Variants in EVC2 observed in about 807,000 individuals in gnomAD.
EVC2 encodes the protein limbin.
EVC2 carries 148 observed loss-of-function variants against 149.3 expected under a neutral mutation model. The ratio of observed to expected loss-of-function variants is 0.99; its 90% CI spans 0.87 to 1.14. The LOEUF (loss-of-function observed/expected upper bound fraction) is 1.14, where lower values mean the gene tolerates loss of function less well. Among genes scored for constraint, EVC2 ranks in the 50% most tolerant of loss-of-function variants. The pLI is 0.00. For missense variants in EVC2, 1,854 were observed against 1,627.3 expected, an observed-to-expected ratio of 1.14 and a Z score of -2.40; for synonymous variants, 776 against 649.9, an observed-to-expected ratio of 1.19 and a Z score of -2.95.
chr4:5,594,355 G>C (rs1713168047), intron 16 of EVC2, among the ~76,000 whole-genome samples: 1 of 152,130 alleles, frequency 6.6e-6, no homozygotes, highest in African/African-American at 2.4e-5. Flanking sequence ...CACACGGCCG[G>C]GTACTCCTCT....
At chr4:5,606,520 G>A (rs1009909039) in intron 16 of EVC2, among the ~76,000 whole-genome samples, 1 of 152,032 alleles carries the variant, frequency 6.6e-6, no homozygotes, top group African/African-American at 2.4e-5. Flanking sequence ...ACTGATTCCA[G>A]GTAATTCAAC....
At chr4:5,697,777 G>GA in intron 1 of EVC2, 130 bp from the exon 2 acceptor site, 1 of 779,456 alleles carries the variant, frequency 1.3e-6, no homozygotes, top group Non-Finnish European at 2.1e-6. Flanking sequence ...ACAGAGTCTT[G>GA]CTCTGTCACC....
intron 9 of EVC2, among the ~76,000 whole-genome samples, chr4:5,652,495 A>G (rs1183874029): frequency 6.6e-6 from 1 of 152,172 alleles, no homozygotes; most frequent in Admixed American, 6.5e-5. Context: ...ACCAACAGAA[A>G]TGTCACTTCA....
In EVC2 at chr4:5,642,972, T is replaced by TTTTACCCATGAACACC. The variant is rs1364863007; in HGVS notation, c.1146-2135_1146-2134insGGTGTTCATGGGTAAA. 2.6e-5 allele frequency among the ~76,000 whole-genome samples: 4 copies of TTTTACCCATGAACACC among 152,218 alleles called. No individual in the cohort carries two copies. The East Asian group carries it at 7.7e-4, about 29-fold the overall frequency. ...ACCCATGAACACCTCACTGAGCATC[T>TTTTACCCATGAACACC]TTAACTGTCAAGGAGTCATACGCAG... On this transcript the variant is annotated intron_variant, in intron 9 of 21. Coordinates refer to ENST00000344408, the MANE Select transcript of EVC2 (RefSeq NM_147127.5).
intron 6 of EVC2, among the ~76,000 whole-genome samples, 197 bp from the exon 7 acceptor site, chr4:5,681,510 C>G (rs1720343215): frequency 1.3e-5 from 2 of 152,122 alleles, no homozygotes; most frequent in South Asian, 4.1e-4. Flanking sequence ...CTACTGGAGG[C>G]CGTGTGAAAT....
At chr4:5,580,953 T>C (rs1475677495) in intron 17 of EVC2, among the ~76,000 whole-genome samples, 1 of 152,122 alleles carries the variant, frequency 6.6e-6, no homozygotes. Flanking sequence ...TCTGGTTGTT[T>C]AAAACTGTGT....
chr4:5,566,947 A>G (rs1722325554), intron 20 of EVC2, among the ~76,000 whole-genome samples: 1 of 152,144 alleles, frequency 6.6e-6, no homozygotes, highest in African/African-American at 2.4e-5. Flanking sequence ...CCAGGCTGTG[A>G]AACCTGGTTT....
At position 5,563,103 on chromosome 4, in the gene EVC2, C is replaced by T. The variant is rs1722060400; in HGVS notation, c.3672G>A (p.Lys1224=). ...TCCTCTCTCTGAGAGGGAGACATGT[C>T]TTCTTTAATATGCTAAAGAAATAGC... ...ARKRKQSILK[K]TCLPLRERMI... The change falls in exon 22 of 22, where the codon AAG becomes AAA. Residue 1224 remains lysine (K), a synonymous_variant. Transcript: ENST00000344408. 9.3e-6 allele frequency: 15 copies of T among 1,613,802 alleles called. No individual in the cohort carries two copies. The highest frequency in any genetic ancestry group is 1.1e-5 in the Non-Finnish European group (13 of 1,179,998).
At chr4:5,646,337 G>C (rs1717708806) in intron 9 of EVC2, among the ~76,000 whole-genome samples, 1 of 151,870 alleles carries the variant, frequency 6.6e-6, no homozygotes, top group South Asian at 2.1e-4. Context: ...ATGTTTGTTG[G>C]CTACATGTAT....
rs1714986274 is a variant in EVC2, at chr4:5,613,195, G to A, written c.2829+2227C>T. Among the ~76,000 whole-genome samples the A allele has an allele frequency of 6.6e-6, 1 of 152,088 alleles. No individual in the cohort carries two copies. The highest frequency in any genetic ancestry group is 1.5e-5 in the Non-Finnish European group (1 of 68,030). ...GCCTTTGAGCAGGTTCCTCCACGGGGCTGCTCCCCCATCCACTGGCCATGA... is the reference window on the plus strand; with the variant it reads ...GCCTTTGAGCAGGTTCCTCCACGGGACTGCTCCCCCATCCACTGGCCATGA... On this transcript the variant is annotated intron_variant, in intron 16 of 21. Coordinates refer to ENST00000344408, the MANE Select transcript of EVC2 (RefSeq NM_147127.5). The surrounding 1 kb of genome is among the most constrained non-coding windows in gnomAD (Gnocchi z 4.6).
intron 10 of EVC2, among the ~76,000 whole-genome samples, chr4:5,638,614 A>G (rs372939629): frequency 6.6e-6 from 1 of 151,832 alleles, no homozygotes; most frequent in African/African-American, 2.4e-5. Context: ...CCCACCCCCC[A>G]AAAAAGATAT....
At chr4:5,532,584 C>G in the EVC2 span, among the ~76,000 whole-genome samples, 2 of 152,256 alleles carry the variant, frequency 1.3e-5, no homozygotes, top group African/African-American at 4.8e-5. Flanking sequence ...TTCAGCCCAC[C>G]TCATCTGCCA....
chr4:5,563,241 G>T (rs368974645), intron 21 of EVC2, 126 bp from the exon 22 acceptor site: 2 of 942,882 alleles, frequency 2.1e-6, no homozygotes, highest in Non-Finnish European at 1.6e-6. Context: ...TTTAACAAAA[G>T]GTTATTTTCC....
intron 9 of EVC2, among the ~76,000 whole-genome samples, chr4:5,659,844 ATTACT>A (rs1718766462): frequency 6.6e-6 from 1 of 152,204 alleles, no homozygotes; most frequent in Admixed American, 6.5e-5. Flanking sequence ...TAAAGTACTA[ATTACT>A]TTAGTCAGAA....
chr4:5,556,832 G>C (rs114311591), intron 21 of EVC2, among the ~76,000 whole-genome samples: 405 of 152,244 alleles, frequency 2.7e-3, no homozygotes, highest in African/African-American at 8.7e-3. Context: ...GGTAACTTAG[G>C]TGAAATGAAT....
intron 16 of EVC2, among the ~76,000 whole-genome samples, chr4:5,608,873 C>T (rs1194014023): frequency 6.6e-6 from 1 of 152,210 alleles, no homozygotes; most frequent in Middle Eastern, 3.4e-3. Flanking sequence ...GTAGAGATTA[C>T]CCTCCCCAAT....
chr4:5,535,983 T>C, the EVC2 span, among the ~76,000 whole-genome samples: 1 of 151,968 alleles, frequency 6.6e-6, no homozygotes, highest in East Asian at 1.9e-4. This position sits in a 1 kb window ranked among gnomAD's most constrained non-coding sequence, Gnocchi z 4.7. Context: ...GCGCCTCCTT[T>C]CCCTTGCCAT....
At chr4:5,599,671 T>G (rs1289568523) in intron 16 of EVC2, among the ~76,000 whole-genome samples, 2 of 152,078 alleles carry the variant, frequency 1.3e-5, no homozygotes, top group African/African-American at 4.8e-5. Context: ...TGTATACATA[T>G]GTAACTAACC....
At chr4:5,672,315 G>A (rs149402877) in intron 7 of EVC2, among the ~76,000 whole-genome samples, 1,595 of 152,350 alleles carry the variant, frequency 0.01, 27 homozygotes, top group African/African-American at 0.031. Context: ...CAGAGCCTTC[G>A]AGAGCAGGTT....
Sources: gnomAD v4.1 joint callset for allele counts (sites outside exome capture counted in the v4.1 genomes callset) on GRCh38, gnomAD v4.1.1 for gene constraint, Gnocchi (gnomAD v3.1) non-coding constraint, MANE v1.5 for transcripts, NCBI Gene and HGNC (gene_info 2026-07-23, HGNC 2026-07-21) for gene names.